The following ROBO2 variants were observed in gnomAD, a reference collection of about 807,000 sequenced individuals.
ROBO2 encodes the protein roundabout homolog 2.
In ROBO2, 53 loss-of-function variants were observed where a neutral mutation model predicts 160.8. The observed-to-expected ratio is 0.33, with a 90% CI of 0.26 to 0.41. ROBO2 has a LOEUF of 0.41. Among genes scored for constraint, ROBO2 ranks in the 10% least tolerant of loss-of-function variants. The pLI is 1.00. For missense variants in ROBO2, 1,577 were observed against 1,722.4 expected, an observed-to-expected ratio of 0.92 and a Z score of 1.49; for synonymous variants, 664 against 611.7, an observed-to-expected ratio of 1.09 and a Z score of -1.26.
chr3:76,883,157 C>T (rs531197378), intron 2 of ROBO2, among the ~76,000 whole-genome samples: 1 of 151,994 alleles, frequency 6.6e-6, no homozygotes, highest in Non-Finnish European at 1.5e-5. Context: ...TAAAAAATAC[C>T]CATATGTATT....
chr3:76,073,452 C>T (rs866609725), intron 2 of ROBO2, among the ~76,000 whole-genome samples: 5 of 151,356 alleles, frequency 3.3e-5, no homozygotes, highest in Admixed American at 1.3e-4. Flanking sequence ...CCCCCACGCC[C>T]GGCTAATTTT....
At chr3:77,510,040 A>G (rs1290597579) in intron 5 of ROBO2, among the ~76,000 whole-genome samples, 3 of 152,074 alleles carry the variant, frequency 2.0e-5, no homozygotes, top group African/African-American at 7.2e-5. Context: ...ATTCTGGGGT[A>G]TAGTTGAGTG....
At chr3:76,253,998 A>G (rs956132440) in intron 2 of ROBO2, among the ~76,000 whole-genome samples, 2 of 152,134 alleles carry the variant, frequency 1.3e-5, no homozygotes, top group African/African-American at 4.8e-5. Flanking sequence ...GTGATATGCT[A>G]TGATAGCAAT....
Position 76,948,746 on chromosome 3 carries a change from G to A in ROBO2, c.110-149268G>A, listed in dbSNP as rs545502613. ...TTTTGAGATGGAGTCTCATCCTGTT[G>A]CCAGGCTGGAGTGCAGTGGCGCGAT... On this transcript the variant is annotated intron_variant, in intron 2 of 26. Coordinates refer to the ROBO2 transcript ENST00000487694. 2.6e-3 allele frequency among the ~76,000 whole-genome samples: 361 copies of A among 141,184 alleles called. 2 individuals are homozygous for A. Among genetic ancestry groups the A allele is most frequent in the Middle Eastern group, 0.011 (3 of 274 alleles). The allele number at this position is 141,184 out of a possible 152,430, so 92.6% of individuals were successfully genotyped here.
intron 2 of ROBO2, among the ~76,000 whole-genome samples, chr3:76,286,777 G>T (rs886700507): frequency 6.6e-6 from 1 of 152,102 alleles, no homozygotes; most frequent in African/African-American, 2.4e-5. Flanking sequence ...ATAAGATGAG[G>T]CGGTAGTTGC....
At chr3:77,273,261 G>A (rs1444248218) in intron 2 of ROBO2, among the ~76,000 whole-genome samples, 1 of 152,064 alleles carries the variant, frequency 6.6e-6, no homozygotes, top group Admixed American at 6.6e-5. Flanking sequence ...ATGCATATAT[G>A]CAGCAACATA....
chr3:76,729,298 G>C (rs17014598), intron 2 of ROBO2, among the ~76,000 whole-genome samples: 4,057 of 151,714 alleles, frequency 0.027, 166 homozygotes, highest in African/African-American at 0.088. Context: ...TTTTCAAATG[G>C]AGCCAAATTC....
At chr3:76,513,679 C>A (rs953603971) in intron 2 of ROBO2, among the ~76,000 whole-genome samples, 7 of 152,144 alleles carry the variant, frequency 4.6e-5, no homozygotes, top group Non-Finnish European at 1.0e-4. Context: ...TTAAATAGTT[C>A]ACACTGACTT....
intron 2 of ROBO2, among the ~76,000 whole-genome samples, chr3:76,893,629 T>C (rs1320124795): frequency 1.3e-5 from 2 of 152,090 alleles, no homozygotes; most frequent in Non-Finnish European, 2.9e-5. Flanking sequence ...GTGTTTAAGG[T>C]ATCCATGAAT....
intron 2 of ROBO2, among the ~76,000 whole-genome samples, chr3:77,416,500 C>T (rs757535609): frequency 3.8e-4 from 58 of 151,950 alleles, no homozygotes; most frequent in Admixed American, 1.8e-3. Flanking sequence ...GGGTGGATCA[C>T]AGGGTCATGA....
intron 2 of ROBO2, among the ~76,000 whole-genome samples, chr3:76,992,022 G>A (rs7427534): frequency 0.53 from 80,304 of 151,814 alleles, 22,166 homozygotes; most frequent in East Asian, 0.8. Context: ...TAGTTCTTCA[G>A]TGTGGATGCT....
chr3:77,239,922 G>T (rs952676080), intron 2 of ROBO2, among the ~76,000 whole-genome samples: 4 of 151,694 alleles, frequency 2.6e-5, no homozygotes, highest in African/African-American at 9.7e-5. Flanking sequence ...GGTGCATCCA[G>T]GAATCCCAAG....
chr3:77,627,070 A>G (rs1330368976), intron 23 of ROBO2, among the ~76,000 whole-genome samples: 1 of 152,176 alleles, frequency 6.6e-6, no homozygotes, highest in East Asian at 1.9e-4. Context: ...ACAGTAATCA[A>G]ATTAATTTCT....
chr3:76,233,094 A>AT (rs1360187384), intron 2 of ROBO2, among the ~76,000 whole-genome samples: 4 of 150,932 alleles, frequency 2.7e-5, no homozygotes, highest in South Asian at 2.1e-4. Context: ...TTCTTATTTT[A>AT]TTTTTTTTCT....
chr3:77,614,523 T>C (rs2153700731), intron 21 of ROBO2, among the ~76,000 whole-genome samples: 1 of 152,252 alleles, frequency 6.6e-6, no homozygotes, highest in East Asian at 1.9e-4. Flanking sequence ...AATATTCCTA[T>C]CAAACCATAC....
intron 2 of ROBO2, among the ~76,000 whole-genome samples, chr3:77,356,048 C>T (rs1024103566): frequency 2.6e-5 from 4 of 152,036 alleles, no homozygotes; most frequent in African/African-American, 9.7e-5. Context: ...ATCTGGCAAT[C>T]CATTCTATGG....
At chr3:76,207,382 C>T (rs971983970) in intron 2 of ROBO2, among the ~76,000 whole-genome samples, 13 of 152,084 alleles carry the variant, frequency 8.5e-5, no homozygotes, top group Middle Eastern at 6.8e-3. Context: ...TGGAAGTATA[C>T]GAAGTGTTAG....
At chr3:77,420,584 T>C (rs2077626639) in intron 2 of ROBO2, among the ~76,000 whole-genome samples, 1 of 152,116 alleles carries the variant, frequency 6.6e-6, no homozygotes, top group African/African-American at 2.4e-5. Context: ...TCTAATGATT[T>C]CAGCCAAACA....
rs898930391 is a variant in ROBO2, at chr3:77,393,936, A to G, written c.389-83478A>G. ...CTTAGAGTTAATTGTAATATTTACAATTGGAAGCTGAGAAATGGAAGATTA... is the reference window on the plus strand; with the variant it reads ...CTTAGAGTTAATTGTAATATTTACAGTTGGAAGCTGAGAAATGGAAGATTA... On this transcript the variant is annotated intron_variant, in intron 2 of 25. Coordinates refer to ENST00000461745, the Ensembl canonical transcript of ROBO2. Among the ~76,000 whole-genome samples, 5 of 152,150 alleles carry G rather than the reference A, an allele frequency of 3.3e-5. No homozygotes were observed. In the East Asian group the frequency reaches 9.6e-4, roughly 29 times the overall value.
Sources: allele counts gnomAD v4.1 joint callset (sites outside exome capture counted in the v4.1 genomes callset), GRCh38; gene constraint gnomAD v4.1.1; transcripts MANE v1.5; gene names NCBI Gene and HGNC (gene_info 2026-07-23, HGNC 2026-07-21).